NAALAD2: variants seen among roughly 807,000 people sequenced by gnomAD.
NAALAD2 encodes N-acetylated alpha-linked acidic dipeptidase 2.
A neutral mutation model predicts 95.6 loss-of-function variants in NAALAD2; 89 were observed. The ratio of observed to expected loss-of-function variants is 0.93; its 90% CI spans 0.78 to 1.11. NAALAD2 has a LOEUF of 1.11. NAALAD2 is among the 50% of genes least tolerant of loss of function. NAALAD2 has a pLI of 0.00. For synonymous variants in NAALAD2, 264 were observed against 294.4 expected, an observed-to-expected ratio of 0.90 and a Z score of 1.06; for missense variants, 894 against 872.4, an observed-to-expected ratio of 1.02 and a Z score of -0.31.
chr11:90,173,670 T>A (rs544186469), intron 13 of NAALAD2, among the ~76,000 whole-genome samples, 154 bp from the exon 14 acceptor site: 35 of 152,326 alleles, frequency 2.3e-4, no homozygotes, highest in African/African-American at 8.2e-4. Flanking sequence ...TGCAAAAATA[T>A]AATTTTTCTA....
At chr11:90,183,265 G>A (rs1426543011) in intron 18 of NAALAD2, among the ~76,000 whole-genome samples, 1 of 152,086 alleles carries the variant, frequency 6.6e-6, no homozygotes, top group Non-Finnish European at 1.5e-5. Context: ...TCAAACTGTA[G>A]AATCTTAAAG....
In NAALAD2 at chr11:90,148,887, C is replaced by G. The variant is rs182803171; in HGVS notation, c.382-119C>G. 6.1e-4 allele frequency: 340 copies of G among 555,538 alleles called. 3 individuals carry two copies. The highest frequency in any genetic ancestry group is 6.0e-3 in the African/African-American group (309 of 51,138). 34.4% of individuals were successfully genotyped at this position (555,538 alleles called of 1,614,324 possible). A position where few individuals can be genotyped will look rare whatever the true frequency, so the allele number is the denominator to read the frequency against. On this transcript the variant is annotated intron_variant, in intron 3 of 18. Transcript: ENST00000534061. ...TCTCATTGTTGTCAGTGTAATTTAT[C>G]TATTACAGAACCTTGTTCCAGGATG...
intron 2 of NAALAD2, among the ~76,000 whole-genome samples, chr11:90,137,304 A>G (rs1951474580): frequency 6.6e-6 from 1 of 152,172 alleles, no homozygotes; most frequent in Non-Finnish European, 1.5e-5. Flanking sequence ...ACATAGCACA[A>G]TAGGGCAACT....
At chr11:90,170,805 T>C (rs1285949879) in intron 13 of NAALAD2, among the ~76,000 whole-genome samples, 1 of 152,148 alleles carries the variant, frequency 6.6e-6, no homozygotes, top group Admixed American at 6.5e-5. Flanking sequence ...GAGGACACAG[T>C]ATCTAAAAAA....
intron 18 of NAALAD2, among the ~76,000 whole-genome samples, chr11:90,187,312 A>G (rs901687108): frequency 6.6e-6 from 1 of 151,966 alleles, no homozygotes; most frequent in Non-Finnish European, 1.5e-5. Context: ...CCCAGGGTAA[A>G]CACATTTTTA....
intron 2 of NAALAD2, among the ~76,000 whole-genome samples, chr11:90,137,713 C>T (rs539686248): frequency 2.6e-5 from 4 of 152,178 alleles, no homozygotes; most frequent in East Asian, 1.9e-4. Context: ...AAGGGATTCT[C>T]CCACCTCAGC....
chr11:90,174,411 T>C (rs948514466), intron 14 of NAALAD2, among the ~76,000 whole-genome samples: 2 of 152,150 alleles, frequency 1.3e-5, no homozygotes, highest in African/African-American at 2.4e-5. Flanking sequence ...CAGTCTATGT[T>C]AGAGCACAAA....
At chr11:90,174,147 C>T (rs1406986654) in intron 14 of NAALAD2, among the ~76,000 whole-genome samples, 1 of 152,098 alleles carries the variant, frequency 6.6e-6, no homozygotes, top group Non-Finnish European at 1.5e-5. Flanking sequence ...GCCTGGCCAA[C>T]ACGGCGAAAC....
chr11:90,162,857 A>G, intron 8 of NAALAD2, 92 bp from the exon 9 acceptor site: 1 of 713,058 alleles, frequency 1.4e-6, no homozygotes, highest in African/African-American at 1.9e-5. Context: ...TTTTCATAAT[A>G]AAACACTATT....
chr11:90,167,511 G>C (rs922185861), intron 11 of NAALAD2, among the ~76,000 whole-genome samples: 7 of 152,216 alleles, frequency 4.6e-5, no homozygotes, highest in Non-Finnish European at 1.0e-4. Flanking sequence ...GACTGACCAA[G>C]GGCTGAGAAG....
Position 90,192,602 on chromosome 11 carries a change from T to TA in NAALAD2, c.*861dup, listed in dbSNP as rs908157317. 2 of 151,912 alleles carry TA rather than the reference T, an allele frequency of 1.3e-5. No individual in the cohort carries two copies. The highest frequency in any genetic ancestry group is 2.9e-5 in the Non-Finnish European group (2 of 67,884). 9.4% of individuals were successfully genotyped at this position (151,912 alleles called of 1,614,324 possible). ...AATTAAGCCTCAATAAACGTGATTA[T>TA]AAAAAACAAGTCTGCAAGGAAACCA... On this transcript the variant is annotated 3_prime_UTR_variant, in exon 19 of 19. Coordinates refer to ENST00000534061, the MANE Select transcript of NAALAD2 (RefSeq NM_005467.4).
At chr11:90,182,167 C>T (rs996100619) in intron 17 of NAALAD2, among the ~76,000 whole-genome samples, 7 of 152,060 alleles carry the variant, frequency 4.6e-5, no homozygotes, top group Admixed American at 3.3e-4. Context: ...ATTCTTTTTT[C>T]ATGGATAATT....
At chr11:90,144,749 A>AAAAAAC (rs1433151188) in intron 2 of NAALAD2, among the ~76,000 whole-genome samples, 1 of 150,676 alleles carries the variant, frequency 6.6e-6, no homozygotes, top group East Asian at 1.9e-4. Context: ...TTAAAAAAAA[A>AAAAAAC]AAAAAACGGA....
At chr11:90,158,067 CG>C in intron 6 of NAALAD2, 77 bp from the exon 7 acceptor site, 1 of 1,087,380 alleles carries the variant, frequency 9.2e-7, no homozygotes, top group Admixed American at 2.1e-5. Context: ...AAATCTGCAA[CG>C]GTTATGCAAA....
chr11:90,168,427 A>T (rs1338036274), intron 11 of NAALAD2, among the ~76,000 whole-genome samples: 1 of 152,196 alleles, frequency 6.6e-6, no homozygotes, highest in East Asian at 1.9e-4. Context: ...GAATTGTTTG[A>T]ACCTGGGAGG....
At chr11:90,150,940 C>A (rs1426560254) in intron 5 of NAALAD2, among the ~76,000 whole-genome samples, 1 of 151,976 alleles carries the variant, frequency 6.6e-6, no homozygotes, top group African/African-American at 2.4e-5. Context: ...TTTTTTCAAA[C>A]CTAATTCTGT....
chr11:90,131,916 T>C (rs1951358386), upstream of NAALAD2: 1 of 152,214 alleles, frequency 6.6e-6, no homozygotes, highest in Admixed American at 6.5e-5. Flanking sequence ...AAAGTTTTTA[T>C]ATACTATTAG....
rs1951863141 is a variant in NAALAD2, at chr11:90,150,557, A to C, written c.559A>C (p.Thr187Pro). The change falls in exon 5 of 19, where the codon ACT becomes CCT. Residue 187 changes from threonine (T) to proline (P), a missense_variant. Transcript: ENST00000534061. ...KLEREMGINCTGKIVIARYGK... is the reference protein window; with the variant it reads ...KLEREMGINCPGKIVIARYGK... ...AGAAAGAGAGATGGGCATCAACTGTACTGGGAAGATTGTTATTGCAAGATA... is the reference window on the plus strand; with the variant it reads ...AGAAAGAGAGATGGGCATCAACTGTCCTGGGAAGATTGTTATTGCAAGATA... 4 of 1,608,492 alleles carry C rather than the reference A, an allele frequency of 2.5e-6. No individual in the cohort carries two copies. In the East Asian group the frequency reaches 6.7e-5, roughly 27 times the overall value.
chr11:90,168,186 G>A lies in NAALAD2; in HGVS notation c.1279-743G>A, dbSNP rs149808108. 3.3e-3 allele frequency among the ~76,000 whole-genome samples: 505 copies of A among 152,262 alleles called. 4 individuals are homozygous for A. Among genetic ancestry groups the A allele is most frequent in the African/African-American group, 0.012 (479 of 41,562 alleles). On this transcript the variant is annotated intron_variant, in intron 11 of 18. Coordinates refer to ENST00000534061, the MANE Select transcript of NAALAD2 (RefSeq NM_005467.4). Reference sequence around the variant, plus strand: ...AGAGTAACACTCACCGTGAAGGTCTGCAGCTTCACTTCTGAGCCAGCGAGA... The same window carrying A: ...AGAGTAACACTCACCGTGAAGGTCTACAGCTTCACTTCTGAGCCAGCGAGA...
Sources: gnomAD v4.1 joint callset for allele counts (sites outside exome capture counted in the v4.1 genomes callset) on GRCh38, gnomAD v4.1.1 for gene constraint, MANE v1.5 for transcripts, NCBI Gene and HGNC (gene_info 2026-07-23, HGNC 2026-07-21) for gene names.